IGSF21: variants seen among roughly 807,000 people sequenced by gnomAD.
IGSF21 encodes the protein immunoglobulin superfamily member 21.
IGSF21 carries 28 observed loss-of-function variants against 46.8 expected under a neutral mutation model. That is an observed-to-expected ratio of 0.60 (90% CI 0.44 to 0.82). The LOEUF (loss-of-function observed/expected upper bound fraction) is 0.82, where lower values mean the gene tolerates loss of function less well. IGSF21 is among the 40% of genes least tolerant of loss of function. The pLI is 0.00. For missense variants in IGSF21, 624 were observed against 665.5 expected (o/e 0.94, Z 0.69); for synonymous variants, 284 against 273.6 (o/e 1.04, Z -0.38).
chr1:18,241,598 C>A (rs1014441091), intron 2 of IGSF21, among the ~76,000 whole-genome samples: 1 of 152,180 alleles, frequency 6.6e-6, no homozygotes, highest in Non-Finnish European at 1.5e-5. Context: ...TCCCCCTGAG[C>A]GATGGGCAGT....
At chr1:18,156,763 T>G (rs1471104689) in intron 1 of IGSF21, among the ~76,000 whole-genome samples, 1 of 152,176 alleles carries the variant, frequency 6.6e-6, no homozygotes, top group African/African-American at 2.4e-5. Flanking sequence ...AAGTCTGGCA[T>G]CCACTGCAGG....
At chr1:18,274,155 C>A (rs2085078229) in intron 2 of IGSF21, among the ~76,000 whole-genome samples, 1 of 152,200 alleles carries the variant, frequency 6.6e-6, no homozygotes, top group Non-Finnish European at 1.5e-5. Flanking sequence ...CGGTGTTGGG[C>A]AAAATGGTTC....
At chr1:18,353,996 T>C (rs1331729584) in intron 4 of IGSF21, among the ~76,000 whole-genome samples, 1 of 152,164 alleles carries the variant, frequency 6.6e-6, no homozygotes, top group African/African-American at 2.4e-5. Flanking sequence ...GCTCTGAGGC[T>C]AGGTGGAAGA....
intron 2 of IGSF21, among the ~76,000 whole-genome samples, chr1:18,246,892 G>A (rs1446892443): frequency 6.6e-6 from 1 of 152,084 alleles, no homozygotes; most frequent in Non-Finnish European, 1.5e-5. Context: ...AGAAGAGAGC[G>A]AATCTTTGTT....
At chr1:18,255,471 C>G (rs780561786) in intron 2 of IGSF21, among the ~76,000 whole-genome samples, 8 of 152,092 alleles carry the variant, frequency 5.3e-5, no homozygotes, top group Non-Finnish European at 1.2e-4. Context: ...GGCTCAAATC[C>G]CTTCTCCTGA....
intron 4 of IGSF21, among the ~76,000 whole-genome samples, chr1:18,359,359 A>AAAGGAAGGAAGG (rs2086061542): frequency 1.4e-5 from 1 of 74,038 alleles, no homozygotes; most frequent in Non-Finnish European, 3.1e-5. Flanking sequence ...AGAAAGAAAG[A>AAAGGAAGGAAGG]AAGAAAGAAA....
chr1:18,156,103 C>T, intron 1 of IGSF21, among the ~76,000 whole-genome samples: 1 of 152,174 alleles, frequency 6.6e-6, no homozygotes, highest in East Asian at 1.9e-4. Flanking sequence ...GGCTTCTATC[C>T]TGCGGGGAGG....
intron 2 of IGSF21, among the ~76,000 whole-genome samples, chr1:18,246,310 G>T (rs1310230570): frequency 2.0e-5 from 3 of 152,044 alleles, no homozygotes; most frequent in Non-Finnish European, 2.9e-5. Flanking sequence ...TGCTGCCTCA[G>T]GTCCCACCCC....
chr1:18,169,477 AG>A (rs1311397894), intron 1 of IGSF21, among the ~76,000 whole-genome samples: 1 of 152,174 alleles, frequency 6.6e-6, no homozygotes. Context: ...CCAATTCACA[AG>A]GGTGGCCCAA....
chr1:18,203,735 G>A (rs1018244017), intron 1 of IGSF21, among the ~76,000 whole-genome samples: 1 of 152,236 alleles, frequency 6.6e-6, no homozygotes, highest in South Asian at 2.1e-4. Context: ...GGGTGGGGGC[G>A]AGGGTGGTCA....
chr1:18,176,529 A>G (rs2124464834), intron 1 of IGSF21, among the ~76,000 whole-genome samples: 1 of 152,294 alleles, frequency 6.6e-6, no homozygotes, highest in South Asian at 2.1e-4. Context: ...ACAATCTAAT[A>G]AGTAGGGCAT....
At chr1:18,264,097 A>T (rs1237794909) in intron 2 of IGSF21, among the ~76,000 whole-genome samples, 1 of 152,248 alleles carries the variant, frequency 6.6e-6, no homozygotes, top group Non-Finnish European at 1.5e-5. Flanking sequence ...GAGAAGCCAA[A>T]TAGTTCTTCA....
chr1:18,334,098 T>A lies in IGSF21; in HGVS notation c.306-794T>A, dbSNP rs763395681. Among the ~76,000 whole-genome samples, 3 of 152,182 alleles carry A rather than the reference T, an allele frequency of 2.0e-5. No homozygotes were observed. Among genetic ancestry groups the A allele is most frequent in the African/African-American group, 4.8e-5 (2 of 41,428 alleles). On this transcript the variant is annotated intron_variant, in intron 3 of 9. Transcript: ENST00000251296. This position sits in a 1 kb window ranked among gnomAD's most constrained non-coding sequence, Gnocchi z 4.3. ...CTAAAATATTTACTCTCTGGACTTT[T>A]AGGAGAAAAGACTGAAAGCAGGTTT...
At chr1:18,234,434 A>T (rs1246774248) in intron 2 of IGSF21, among the ~76,000 whole-genome samples, 1 of 152,226 alleles carries the variant, frequency 6.6e-6, no homozygotes, top group African/African-American at 2.4e-5. Context: ...ATAAACAGGA[A>T]ATAAGAACAA....
chr1:18,197,144 C>A (rs778055161), intron 1 of IGSF21, among the ~76,000 whole-genome samples: 1 of 152,204 alleles, frequency 6.6e-6, no homozygotes, highest in Non-Finnish European at 1.5e-5. Context: ...ACTCAGCATT[C>A]GGGTGTCTCG....
chr1:18,232,209 C>CTTTTTTTTTTTTTTTTT (rs55775011), intron 2 of IGSF21, among the ~76,000 whole-genome samples: 1 of 105,026 alleles, frequency 9.5e-6, no homozygotes, highest in Non-Finnish European at 1.9e-5. Context: ...CTCCAGACAG[C>CTTTTTTTTTTTTTTTTT]TTTTTTTTGG....
Position 18,337,425 on chromosome 1 carries a change from T to C in IGSF21, c.424+2415T>C, listed in dbSNP as rs1240318410. ...TACTTGGACACTGTTGTTTTTATTA[T>C]CACTGTCTCTGATGTGCCCACTCCT... On this transcript the variant is annotated intron_variant, in intron 4 of 9. Transcript: ENST00000251296. This position sits in a 1 kb window ranked among gnomAD's most constrained non-coding sequence, Gnocchi z 5.7. Among the ~76,000 whole-genome samples the C allele has an allele frequency of 6.6e-6, 1 of 152,164 alleles. No individual in the cohort carries two copies. Among genetic ancestry groups the C allele is most frequent in the African/African-American group, 2.4e-5 (1 of 41,438 alleles).
chr1:18,276,054 T>G (rs1029368789), intron 2 of IGSF21, among the ~76,000 whole-genome samples: 1 of 152,184 alleles, frequency 6.6e-6, no homozygotes, highest in African/African-American at 2.4e-5. Context: ...AATATCTGTT[T>G]CCTGCTGTGC....
intron 1 of IGSF21, among the ~76,000 whole-genome samples, chr1:18,225,085 T>TCTCTCTCTCACACACACA: frequency 1.2e-4 from 6 of 51,608 alleles, no homozygotes; most frequent in East Asian, 5.5e-4. Context: ...TCTCTCTCTC[T>TCTCTCTCTCACACACACA]CACACACACA....
Sources: gnomAD v4.1 joint callset for allele counts (sites outside exome capture counted in the v4.1 genomes callset) on GRCh38, gnomAD v4.1.1 for gene constraint, Gnocchi (gnomAD v3.1) non-coding constraint, MANE v1.5 for transcripts, NCBI Gene and HGNC (gene_info 2026-07-23, HGNC 2026-07-21) for gene names.